The following CFAP54 variants were observed in gnomAD, a reference collection of about 807,000 sequenced individuals.
CFAP54 encodes the protein cilia and flagella associated protein 54.
CFAP54 carries 290 observed loss-of-function variants against 370.4 expected under a neutral mutation model. That is an observed-to-expected ratio of 0.78 (90% CI 0.71 to 0.86). The LOEUF (loss-of-function observed/expected upper bound fraction) is 0.86, where lower values mean the gene tolerates loss of function less well. CFAP54 is among the 40% of genes least tolerant of loss of function. The pLI is 0.00. For synonymous variants in CFAP54, 1,206 were observed against 1,236.5 expected (o/e 0.98, Z 0.52); for missense variants, 3,399 against 3,528.7 (o/e 0.96, Z 0.93).
In CFAP54 at chr12:96,527,363, A is replaced by T; in HGVS notation, c.1276A>T (p.Thr426Ser). The T allele has an allele frequency of 6.5e-7, 1 of 1,535,818 alleles. No homozygotes were observed. Among genetic ancestry groups the T allele is most frequent in the Non-Finnish European group, 8.7e-7 (1 of 1,146,692 alleles). ...LSDSNRRILQ[T>S]GPIVTDEVEI... is the part of the protein sequence containing the mutation. ...TGATTCAAATAGGCGAATACTGCAAACTGGACCCATTGTTACAGATGAAGT... is the reference window on the plus strand; with the variant it reads ...TGATTCAAATAGGCGAATACTGCAATCTGGACCCATTGTTACAGATGAAGT... Residue 426 changes from threonine (T) to serine (S), a missense_variant, in exon 9 of 68, where the codon ACT (threonine) becomes TCT (serine). Transcript: ENST00000524981.
At chr12:96,512,403 CATG>C (rs1333434018) in intron 4 of CFAP54, among the ~76,000 whole-genome samples, 1 of 133,390 alleles carries the variant, frequency 7.5e-6, no homozygotes, top group African/African-American at 2.7e-5. Flanking sequence ...AGTGCAGTGG[CATG>C]ATCTCGGCTC....
In CFAP54 at chr12:96,752,603, T is replaced by G. The variant is rs527539609; in HGVS notation, c.7685-1140T>G. 5.3e-5 allele frequency among the ~76,000 whole-genome samples: 8 copies of G among 152,272 alleles called. No individual in the cohort carries two copies. The East Asian group carries it at 1.3e-3, about 26-fold the overall frequency. ...ATGCCAACTTTTTTGTTCTTTAAAATTACCAAAGAGAAGGTGTTCATCTGC... is the reference window on the plus strand; with the variant it reads ...ATGCCAACTTTTTTGTTCTTTAAAAGTACCAAAGAGAAGGTGTTCATCTGC... On this transcript the variant is annotated intron_variant, in intron 55 of 67. Transcript: ENST00000524981.
intron 14 of CFAP54, among the ~76,000 whole-genome samples, chr12:96,544,265 C>T (rs575827247): frequency 6.6e-6 from 1 of 152,108 alleles, no homozygotes; most frequent in East Asian, 1.9e-4. Flanking sequence ...AAACAATAAG[C>T]ATACCTTTTG....
intron 19 of CFAP54, among the ~76,000 whole-genome samples, chr12:96,572,263 A>G (rs1428334216): frequency 6.6e-6 from 1 of 152,192 alleles, no homozygotes; most frequent in Non-Finnish European, 1.5e-5. Context: ...AAATAAAGAT[A>G]CTATGTAATG....
chr12:96,521,798 T>C, intron 6 of CFAP54, 59 bp from the exon 7 acceptor site: 2 of 1,262,250 alleles, frequency 1.6e-6, no homozygotes, highest in Non-Finnish European at 2.2e-6. Context: ...ACATTGTCTT[T>C]ATACATTTTA....
At chr12:96,705,781 G>A (rs61200478) in intron 47 of CFAP54, among the ~76,000 whole-genome samples, 2,917 of 152,140 alleles carry the variant, frequency 0.019, 106 homozygotes, top group African/African-American at 0.067. Context: ...GGGAAAGAAG[G>A]GAGTGTTAAA....
intron 4 of CFAP54, among the ~76,000 whole-genome samples, chr12:96,511,482 C>T (rs1249583200): frequency 6.6e-6 from 1 of 152,174 alleles, no homozygotes; most frequent in Non-Finnish European, 1.5e-5. Flanking sequence ...TCACGCCCAG[C>T]TACTTTTGTG....
chr12:96,614,046 C>A (rs1371733981), intron 26 of CFAP54, among the ~76,000 whole-genome samples: 1 of 152,120 alleles, frequency 6.6e-6, no homozygotes, highest in Non-Finnish European at 1.5e-5. Context: ...CAAAGCCGGG[C>A]AGAGACACAA....
intron 32 of CFAP54, among the ~76,000 whole-genome samples, chr12:96,641,674 A>C (rs1025353829): frequency 6.6e-6 from 1 of 152,230 alleles, no homozygotes; most frequent in African/African-American, 2.4e-5. Flanking sequence ...ACTTGGAACC[A>C]AGCCAAATGT....
chr12:96,639,519 A>G (rs1041191043), intron 32 of CFAP54, among the ~76,000 whole-genome samples: 4 of 152,194 alleles, frequency 2.6e-5, no homozygotes, highest in Admixed American at 2.6e-4. Context: ...AGCTGGTACC[A>G]TTCCTTCTGA....
chr12:96,520,695 G>T (rs575519554), intron 6 of CFAP54, among the ~76,000 whole-genome samples: 1 of 152,200 alleles, frequency 6.6e-6, no homozygotes, highest in African/African-American at 2.4e-5. Context: ...GGGCCAACAC[G>T]TTCCTGCACA....
At chr12:96,724,164 G>T (rs1402323991) in intron 50 of CFAP54, among the ~76,000 whole-genome samples, 2 of 150,682 alleles carry the variant, frequency 1.3e-5, no homozygotes, top group Non-Finnish European at 3.0e-5. Flanking sequence ...ATAGCAGCAT[G>T]ATTTATAGTC....
chr12:96,635,961 C>A (rs1261703114), intron 32 of CFAP54, among the ~76,000 whole-genome samples: 1 of 152,142 alleles, frequency 6.6e-6, no homozygotes, highest in East Asian at 1.9e-4. Context: ...CAAGACTTTT[C>A]ATAACCTGGC....
intron 48 of CFAP54, among the ~76,000 whole-genome samples, chr12:96,713,020 C>A (rs1225156224): frequency 1.3e-5 from 2 of 151,852 alleles, no homozygotes; most frequent in African/African-American, 4.8e-5. Flanking sequence ...TGGCTTTTAC[C>A]AAAAAGACAG....
Position 96,554,272 on chromosome 12 carries a change from C to T in CFAP54, c.2245C>T (p.Pro749Ser), listed in dbSNP as rs750249465. 5.2e-6 allele frequency: 8 copies of T among 1,527,634 alleles called. 1 individual carries two copies. In the South Asian group the frequency reaches 9.7e-5, roughly 19 times the overall value. 94.6% of individuals were successfully genotyped at this position (1,527,634 alleles called of 1,614,324 possible). A position where few individuals can be genotyped will look rare whatever the true frequency, so the allele number is the denominator to read the frequency against. The change falls in exon 16 of 68, where the codon CCA becomes TCA. Residue 749 changes from proline to serine, a missense_variant. Transcript: ENST00000524981. ...TTTGAATTGCATGTTAACCTCTTTGCCAAATGGATCATCAGTAATTGACCA... is the reference window on the plus strand; with the variant it reads ...TTTGAATTGCATGTTAACCTCTTTGTCAAATGGATCATCAGTAATTGACCA... ...INLNCMLTSL[P>S]NGSSVIDHCY...
At chr12:96,672,760 T>C (rs1449615165) in intron 39 of CFAP54, among the ~76,000 whole-genome samples, 1 of 152,232 alleles carries the variant, frequency 6.6e-6, no homozygotes, top group East Asian at 1.9e-4. Flanking sequence ...ATGTGATTTA[T>C]GTTATCCCTT....
chr12:96,557,555 AT>A (rs1045055752), intron 17 of CFAP54, among the ~76,000 whole-genome samples: 25 of 152,220 alleles, frequency 1.6e-4, no homozygotes, highest in African/African-American at 6.0e-4. Context: ...TTAATAGAGA[AT>A]TGATAAAGAA....
chr12:96,825,053 C>G (rs1442598786), intron 65 of CFAP54, among the ~76,000 whole-genome samples: 1 of 150,770 alleles, frequency 6.6e-6, no homozygotes, highest in Non-Finnish European at 1.5e-5. Context: ...CCTACGCGCC[C>G]CACAATGCCC....
intron 5 of CFAP54, 72 bp downstream of exon 5, chr12:96,513,116 A>G (rs1592823794): frequency 1.5e-6 from 1 of 681,944 alleles, no homozygotes; most frequent in South Asian, 3.3e-5. Flanking sequence ...TTCATTACAC[A>G]GTATATTGAA....
Sources: gnomAD v4.1 joint callset for allele counts (sites outside exome capture counted in the v4.1 genomes callset) on GRCh38, gnomAD v4.1.1 for gene constraint, MANE v1.5 for transcripts, NCBI Gene and HGNC (gene_info 2026-07-23, HGNC 2026-07-21) for gene names.